The following KREMEN1 variants were observed in gnomAD, a reference collection of about 807,000 sequenced individuals.
The protein encoded by KREMEN1 is kringle containing transmembrane protein 1.
KREMEN1 carries 30 observed loss-of-function variants against 46.5 expected under a neutral mutation model. That is an observed-to-expected ratio of 0.65 (90% CI 0.48 to 0.88). KREMEN1 has a LOEUF of 0.88. Ranked by LOEUF, KREMEN1 falls within the 40% of genes least tolerant of loss-of-function variation. The probability of loss-of-function intolerance (pLI) is 0.00; values close to 1 mark genes in which losing one functional copy is unlikely to be tolerated. For synonymous variants in KREMEN1, 214 were observed against 230.6 expected, an observed-to-expected ratio of 0.93 and a Z score of 0.65; for missense variants, 533 against 596.9, an observed-to-expected ratio of 0.89 and a Z score of 1.11.
In KREMEN1 at chr22:29,142,695, G is replaced by A; in HGVS notation, c.*583G>A. On this transcript the variant is annotated 3_prime_UTR_variant, in exon 9 of 9. Coordinates refer to ENST00000400335, the MANE Select transcript of KREMEN1 (RefSeq NM_001039570.3). The stretch of plus-strand genomic sequence containing the variant: ...CCGGCAGCTTTGCTCTCCAGATGCT[G>A]GACTAGGGTGGGCCTCCTTCAGCCT... 1 of 985,270 alleles carries A rather than the reference G, an allele frequency of 1.0e-6. No homozygotes were observed. The highest frequency in any genetic ancestry group is 1.2e-6 in the Non-Finnish European group (1 of 829,770). The allele number at this position is 985,270 out of a possible 1,614,324, so 61.0% of individuals were successfully genotyped here.
intron 1 of KREMEN1, among the ~76,000 whole-genome samples, chr22:29,083,811 G>A (rs999904485): frequency 5.3e-5 from 8 of 151,708 alleles, no homozygotes; most frequent in African/African-American, 1.9e-4. Context: ...CAGCTTGGGC[G>A]ACAGAGTGAG....
At chr22:29,161,313 C>G (rs995084854) in intron 9 of KREMEN1, among the ~76,000 whole-genome samples, 31 of 151,914 alleles carry the variant, frequency 2.0e-4, no homozygotes, top group Admixed American at 5.2e-4. Flanking sequence ...CGAGACCATC[C>G]TGGCTAACAT....
At chr22:29,114,079 C>A (rs2038194905) in intron 3 of KREMEN1, among the ~76,000 whole-genome samples, 1 of 151,930 alleles carries the variant, frequency 6.6e-6, no homozygotes, top group Non-Finnish European at 1.5e-5. Context: ...TATGTTGAAG[C>A]CCTAACCCTG....
chr22:29,131,738 GTATATATA>G (rs1290213953), intron 5 of KREMEN1, among the ~76,000 whole-genome samples: 1 of 131,974 alleles, frequency 7.6e-6, no homozygotes. Context: ...GTATATATGT[GTATATATA>G]TGTATATATG....
At chr22:29,078,125 A>G (rs1327126369) in intron 1 of KREMEN1, among the ~76,000 whole-genome samples, 1 of 152,004 alleles carries the variant, frequency 6.6e-6, no homozygotes, top group African/African-American at 2.4e-5. Flanking sequence ...CCAAAATTAG[A>G]CAGATGTCGT....
chr22:29,160,374 T>TGC (rs2039000226), intron 9 of KREMEN1, among the ~76,000 whole-genome samples: 1 of 31,796 alleles, frequency 3.1e-5, no homozygotes, highest in African/African-American at 1.0e-4. Flanking sequence ...CAACTAAAAA[T>TGC]ACAAAAAAAA....
downstream of KREMEN1, among the ~76,000 whole-genome samples, chr22:29,150,060 G>A (rs2038903205): frequency 6.6e-6 from 1 of 152,226 alleles, no homozygotes; most frequent in Non-Finnish European, 1.5e-5. Context: ...TCCCGATGGG[G>A]GATTGTTTTC....
intron 9 of KREMEN1, among the ~76,000 whole-genome samples, chr22:29,156,656 C>T (rs971017160): frequency 6.6e-6 from 1 of 152,222 alleles, no homozygotes; most frequent in Non-Finnish European, 1.5e-5. Flanking sequence ...ACTGCTGCAT[C>T]CCATTCCAGA....
intron 1 of KREMEN1, among the ~76,000 whole-genome samples, chr22:29,088,628 C>T (rs1347928359): frequency 6.6e-6 from 1 of 152,166 alleles, no homozygotes; most frequent in Non-Finnish European, 1.5e-5. Flanking sequence ...CCGCACCTGG[C>T]CTCAGAATAA....
In KREMEN1 at chr22:29,143,636, G is replaced by A; in HGVS notation, c.*1524G>A. On this transcript the variant is annotated 3_prime_UTR_variant, in exon 9 of 9. Transcript: ENST00000400335. ...GGGCGCCTGTAGTCCCAGCTGCTCG[G>A]GAGGCTGAGGCAGGAGAATGGCGTG... is the stretch of plus-strand genomic sequence containing the variant. 1 of 699,490 alleles carries A rather than the reference G, an allele frequency of 1.4e-6. No homozygotes were observed. The highest frequency in any genetic ancestry group is 1.8e-6 in the Non-Finnish European group (1 of 568,962). 43.3% of individuals were successfully genotyped at this position (699,490 alleles called of 1,614,324 possible). A position where few individuals can be genotyped will look rare whatever the true frequency, so the allele number is the denominator to read the frequency against.
intron 3 of KREMEN1, among the ~76,000 whole-genome samples, chr22:29,108,998 C>T (rs1569321457): frequency 6.6e-6 from 1 of 152,192 alleles, no homozygotes; most frequent in Non-Finnish European, 1.5e-5. Context: ...CTATGTTGCC[C>T]AGGCTGGTCT....
At position 29,146,421 on chromosome 22, in the gene KREMEN1, G is replaced by T. The variant is rs73882484; in HGVS notation, c.*4309G>T. 521 of 985,724 alleles carry T rather than the reference G, an allele frequency of 5.3e-4. 4 individuals carry two copies. In the African/African-American group the frequency reaches 8.0e-3, roughly 15 times the overall value. 61.1% of individuals were successfully genotyped at this position (985,724 alleles called of 1,614,324 possible). A position where few individuals can be genotyped will look rare whatever the true frequency, so the allele number is the denominator to read the frequency against. On this transcript the variant is annotated 3_prime_UTR_variant, in exon 9 of 9. Coordinates refer to ENST00000400335, the MANE Select transcript of KREMEN1 (RefSeq NM_001039570.3). ...CTGAGTTGGGTACGGAGGCAGAAGT[G>T]GGGTGTGGAGGAAAGTCAGAGGGAA...
chr22:29,146,834 T>C, downstream of KREMEN1: 1 of 954,998 alleles, frequency 1.0e-6, no homozygotes, highest in Non-Finnish European at 1.2e-6. Flanking sequence ...ATGGGCCCTA[T>C]GCTGTCATTT....
chr22:29,134,272 G>T (rs9625717), intron 5 of KREMEN1, among the ~76,000 whole-genome samples: 7,743 of 151,768 alleles, frequency 0.051, 672 homozygotes, highest in African/African-American at 0.18. Context: ...ATCCTCCTGC[G>T]TCAGAACCCT....
intron 9 of KREMEN1, among the ~76,000 whole-genome samples, chr22:29,156,723 C>T (rs1404069316): frequency 6.6e-6 from 1 of 152,242 alleles, no homozygotes; most frequent in Non-Finnish European, 1.5e-5. Context: ...GCCCCAGGGC[C>T]TGCACGCAGA....
chr22:29,154,755 C>T (rs2038946679), intron 9 of KREMEN1: 1 of 152,214 alleles, frequency 6.6e-6, no homozygotes, highest in Non-Finnish European at 1.5e-5. Context: ...CCCAGCTACT[C>T]TGGAGGCTGA....
chr22:29,152,241 G>A lies in KREMEN1; in HGVS notation c.1416+10141G>A, dbSNP rs1242931371. On this transcript the variant is annotated intron_variant, in intron 9 of 9. Coordinates refer to the KREMEN1 transcript ENST00000327813. ...AATGGTCTGCACTGCAGGGGAGGGC[G>A]GCTGGTTTCCTGAGCCATCCCTCTA... Among the ~76,000 whole-genome samples, 6 of 152,250 alleles carry A rather than the reference G, an allele frequency of 3.9e-5. No individual in the cohort carries two copies. The South Asian group carries it at 8.3e-4, about 21-fold the overall frequency.
intron 3 of KREMEN1, among the ~76,000 whole-genome samples, chr22:29,100,185 G>A (rs1387073481): frequency 1.3e-5 from 2 of 150,370 alleles, no homozygotes; most frequent in African/African-American, 4.9e-5. Context: ...GCGCCATCTC[G>A]GCTCACTGCA....
At chr22:29,167,164 G>A in exon 10 of KREMEN1, 1 of 1,343,690 alleles carries the variant, frequency 7.4e-7, no homozygotes, top group Non-Finnish European at 1.0e-6. Context: ...GAGGGCAGAG[G>A]GGACACCTTC....
Sources: allele counts gnomAD v4.1 joint callset (sites outside exome capture counted in the v4.1 genomes callset), GRCh38; gene constraint gnomAD v4.1.1; transcripts MANE v1.5; gene names NCBI Gene and HGNC (gene_info 2026-07-23, HGNC 2026-07-21).